KCNAB1: variants seen among roughly 807,000 people sequenced by gnomAD.
KCNAB1 encodes voltage-gated potassium channel subunit beta-1.
A neutral mutation model predicts 64.6 loss-of-function variants in KCNAB1; 35 were observed. The observed-to-expected ratio is 0.54, with a 90% confidence interval of 0.41 to 0.72. KCNAB1 has a LOEUF of 0.72. KCNAB1 is among the 30% of genes least tolerant of loss of function. KCNAB1 has a pLI of 0.00. For synonymous variants in KCNAB1, 177 were observed against 183.8 expected, an observed-to-expected ratio of 0.96 and a Z score of 0.30; for missense variants, 401 against 512.9, an observed-to-expected ratio of 0.78 and a Z score of 2.11.
At chr3:156,487,626 TTTG>T (rs1469312997) in intron 8 of KCNAB1, among the ~76,000 whole-genome samples, 1 of 152,114 alleles carries the variant, frequency 6.6e-6, no homozygotes, top group Non-Finnish European at 1.5e-5. Context: ...AGAAAACCAT[TTTG>T]TTTGTTTTTA....
chr3:156,282,520 T>G (rs1032460133), intron 1 of KCNAB1, among the ~76,000 whole-genome samples: 2 of 150,782 alleles, frequency 1.3e-5, no homozygotes. Flanking sequence ...CTGGGTATCC[T>G]TGTTGACTTT....
In KCNAB1 at chr3:156,536,612, T is replaced by C. The variant is rs759774691; in HGVS notation, c.1171-46T>C. On this transcript the variant is annotated intron_variant, in intron 13 of 13. Transcript: ENST00000490337. Reference sequence around the variant, plus strand: ...ATATAGAGCACAAAAAACCGAATGATCAACACTGCTAACAATATCCTTTGT... The same window carrying C: ...ATATAGAGCACAAAAAACCGAATGACCAACACTGCTAACAATATCCTTTGT... 4 of 1,323,542 alleles carry C rather than the reference T, an allele frequency of 3.0e-6. No individual in the cohort carries two copies. In the African/African-American group the frequency reaches 5.8e-5, roughly 19 times the overall value. 82.0% of individuals were successfully genotyped at this position (1,323,542 alleles called of 1,614,324 possible).
intron 1 of KCNAB1, among the ~76,000 whole-genome samples, chr3:156,278,163 G>T (rs1422253603): frequency 1.3e-5 from 2 of 152,130 alleles, no homozygotes; most frequent in East Asian, 3.8e-4. Flanking sequence ...AAATATATTA[G>T]ATGTTATGAG....
intron 1 of KCNAB1, among the ~76,000 whole-genome samples, chr3:156,160,321 A>T (rs1364698190): frequency 6.6e-6 from 1 of 152,232 alleles, no homozygotes; most frequent in Non-Finnish European, 1.5e-5. Context: ...TTGCATCAGA[A>T]GTAGAAATAA....
At chr3:156,268,616 T>C (rs1376732841) in intron 1 of KCNAB1, among the ~76,000 whole-genome samples, 2 of 152,210 alleles carry the variant, frequency 1.3e-5, no homozygotes, top group Admixed American at 6.5e-5. Flanking sequence ...ATTTCTCTGA[T>C]GATCAATGAT....
chr3:156,235,925 A>G (rs1180547080), intron 1 of KCNAB1, among the ~76,000 whole-genome samples: 2 of 152,216 alleles, frequency 1.3e-5, no homozygotes, highest in African/African-American at 2.4e-5. Context: ...AAAGGTACAT[A>G]TAGTCTAAAG....
intron 1 of KCNAB1, among the ~76,000 whole-genome samples, chr3:156,240,860 G>A (rs1717121484): frequency 6.6e-6 from 1 of 152,186 alleles, no homozygotes; most frequent in South Asian, 2.1e-4. Context: ...GGAAGGAAGT[G>A]ATAAGCGGAA....
intron 1 of KCNAB1, among the ~76,000 whole-genome samples, chr3:156,322,344 GGTT>G (rs1299381158): frequency 6.6e-6 from 1 of 152,106 alleles, no homozygotes; most frequent in East Asian, 1.9e-4. Context: ...TGTAGTTATG[GGTT>G]CTGCATCCAG....
intron 1 of KCNAB1, among the ~76,000 whole-genome samples, chr3:156,148,259 A>G (rs762292611): frequency 4.6e-5 from 7 of 152,064 alleles, no homozygotes; most frequent in Non-Finnish European, 8.8e-5. Flanking sequence ...TCTATATAGG[A>G]TATAGATTGT....
At chr3:156,170,841 A>G (rs1711922844) in intron 1 of KCNAB1, among the ~76,000 whole-genome samples, 3 of 152,166 alleles carry the variant, frequency 2.0e-5, no homozygotes, top group African/African-American at 7.2e-5. Flanking sequence ...TATTTGGCCA[A>G]ATTTATGTGG....
intron 1 of KCNAB1, among the ~76,000 whole-genome samples, chr3:156,356,081 C>T (rs950474942): frequency 3.4e-5 from 5 of 146,390 alleles, no homozygotes; most frequent in African/African-American, 1.3e-4. Context: ...ATGATCATGC[C>T]ACTGCACTCA....
chr3:156,424,243 C>A (rs902080649), intron 2 of KCNAB1, among the ~76,000 whole-genome samples: 3 of 152,056 alleles, frequency 2.0e-5, no homozygotes, highest in Admixed American at 1.3e-4. Flanking sequence ...GGTGGGTCAG[C>A]AACTACAACA....
intron 1 of KCNAB1, among the ~76,000 whole-genome samples, chr3:156,305,011 G>A (rs187216701): frequency 6.6e-5 from 10 of 151,818 alleles, no homozygotes; most frequent in South Asian, 2.1e-4. Context: ...TGAATGGCTC[G>A]GTGGAAGCAT....
chr3:156,530,395 T>C (rs1185505216), intron 12 of KCNAB1, among the ~76,000 whole-genome samples: 1 of 152,088 alleles, frequency 6.6e-6, no homozygotes, highest in African/African-American at 2.4e-5. Flanking sequence ...TCTATAGACA[T>C]TAGGACAAGG....
intron 4 of KCNAB1, among the ~76,000 whole-genome samples, chr3:156,458,409 C>T (rs996089097): frequency 2.0e-5 from 3 of 152,242 alleles, no homozygotes; most frequent in East Asian, 1.9e-4. Context: ...GCTGTTTGAA[C>T]AGCTCTGCAA....
chr3:156,240,124 G>A (rs1006168234), intron 1 of KCNAB1, among the ~76,000 whole-genome samples: 32 of 152,112 alleles, frequency 2.1e-4, no homozygotes, highest in African/African-American at 6.5e-4. Flanking sequence ...CATGGTTCTC[G>A]AAAATAAATT....
rs969439688 is a variant in KCNAB1, at chr3:156,351,990, G to T, written c.276-69626G>T. ...GCTGTCTCTCAGGGCATGTTCTGAA[G>T]CCCCCTGCACTGTCCTGGGACACTG... On this transcript the variant is annotated intron_variant, in intron 1 of 13. Coordinates refer to ENST00000490337, the MANE Select transcript of KCNAB1 (RefSeq NM_172160.3). 4.6e-5 allele frequency among the ~76,000 whole-genome samples: 7 copies of T among 152,322 alleles called. No homozygotes were observed. In the South Asian group the frequency reaches 1.5e-3, roughly 32 times the overall value.
At chr3:156,466,033 G>C (rs13323374) in intron 7 of KCNAB1, among the ~76,000 whole-genome samples, 19,782 of 152,052 alleles carry the variant, frequency 0.13, 2,204 homozygotes, top group African/African-American at 0.31. Context: ...TTTGTTCTGA[G>C]TATAATTACG....
intron 2 of KCNAB1, among the ~76,000 whole-genome samples, chr3:156,447,404 A>G (rs1314818193): frequency 1.3e-5 from 2 of 152,172 alleles, no homozygotes; most frequent in African/African-American, 4.8e-5. Flanking sequence ...GTTGCATCCC[A>G]ATAAACTAAG....
Sources: allele counts gnomAD v4.1 joint callset (sites outside exome capture counted in the v4.1 genomes callset), GRCh38; gene constraint gnomAD v4.1.1; transcripts MANE v1.5; gene names NCBI Gene and HGNC (gene_info 2026-07-23, HGNC 2026-07-21).